KCTD1: variants seen among roughly 807,000 people sequenced by gnomAD.
KCTD1 encodes potassium channel tetramerization domain containing 1.
In KCTD1, 24 loss-of-function variants were observed where a neutral mutation model predicts 66.0. The observed-to-expected ratio is 0.36, with a 90% CI of 0.26 to 0.51. The LOEUF is 0.51. KCTD1 is among the 20% of genes least tolerant of loss of function. The pLI, the probability that KCTD1 is intolerant of heterozygous loss-of-function variation, is 0.95. For missense variants in KCTD1, 943 were observed against 1,205.2 expected (o/e 0.78, Z 3.22); for synonymous variants, 511 against 517.2 (o/e 0.99, Z 0.16).
chr18:26,647,290 C>T lies in KCTD1; in HGVS notation c.9+10070G>A, dbSNP rs1022775571. ...TTGGGAGGCTGAGGCGGGTGGATCA[C>T]GAGGTCAGGAGTTCAAGGCCAGCCT... On this transcript the variant is annotated intron_variant, in intron 1 of 4. Coordinates refer to the KCTD1 transcript ENST00000580191. Among the ~76,000 whole-genome samples the T allele has an allele frequency of 5.3e-5, 8 of 150,468 alleles. No individual in the cohort carries two copies. In the East Asian group the frequency reaches 9.8e-4, roughly 19 times the overall value.
chr18:26,476,782 C>T lies in KCTD1; in HGVS notation c.1989-123G>A, dbSNP rs895634435. Reference sequence around the variant, plus strand: ...TGAAGATGGCAGTAGGGAAAAATTACGATTGTCTGCAAAGTGTTGGTCCCC... The same window carrying T: ...TGAAGATGGCAGTAGGGAAAAATTATGATTGTCTGCAAAGTGTTGGTCCCC... On this transcript the variant is annotated intron_variant, in intron 2 of 4. Transcript: ENST00000580059. The surrounding 1 kb of genome is among the most constrained non-coding windows in gnomAD (Gnocchi z 4.9). The T allele has an allele frequency of 3.9e-6, 3 of 775,884 alleles. No homozygotes were observed. Among genetic ancestry groups the T allele is most frequent in the East Asian group, 5.5e-5 (2 of 36,528 alleles). The allele number at this position is 775,884 out of a possible 1,614,324, so 48.1% of individuals were successfully genotyped here. A position where few individuals can be genotyped will look rare whatever the true frequency, so the allele number is the denominator to read the frequency against.
At chr18:26,518,333 C>G (rs1010936765) in intron 1 of KCTD1, among the ~76,000 whole-genome samples, 1 of 151,908 alleles carries the variant, frequency 6.6e-6, no homozygotes, top group Non-Finnish European at 1.5e-5. Flanking sequence ...GAGTCTCACT[C>G]TGTTGCCCAG....
At chr18:26,460,741 C>T (rs1980376842) in intron 3 of KCTD1, 1 of 152,180 alleles carries the variant, frequency 6.6e-6, no homozygotes, top group African/African-American at 2.4e-5. Flanking sequence ...TTCCTTTCCT[C>T]CAGCCTTAAA....
At chr18:26,654,488 C>T (rs1182793573) in intron 1 of KCTD1, among the ~76,000 whole-genome samples, 1 of 152,126 alleles carries the variant, frequency 6.6e-6, no homozygotes, top group Non-Finnish European at 1.5e-5. Context: ...TGCACCCCTA[C>T]TATGCAAGCC....
intron 1 of KCTD1, among the ~76,000 whole-genome samples, chr18:26,610,543 A>T (rs1987111676): frequency 6.6e-6 from 1 of 151,822 alleles, no homozygotes; most frequent in African/African-American, 2.4e-5. Flanking sequence ...GCGCCAATGC[A>T]CTCTAGCCTG....
At position 26,476,071 on chromosome 18, in the gene KCTD1, A is replaced by AG. The variant is rs1981331297; in HGVS notation, c.2133+443dup. ...TCTGACTCCATTGCCTAGAGTTACC[A>AG]GCACAATGTGGGCTATCTCAGCGTG... is the stretch of plus-strand genomic sequence containing the variant. On this transcript the variant is annotated intron_variant, in intron 3 of 4. Transcript: ENST00000580059. The surrounding 1 kb of genome is among the most constrained non-coding windows in gnomAD (Gnocchi z 4.9). Among the ~76,000 whole-genome samples, 1 of 152,226 alleles carries AG rather than the reference A, an allele frequency of 6.6e-6. No individual in the cohort carries two copies. Among genetic ancestry groups the AG allele is most frequent in the Non-Finnish European group, 1.5e-5 (1 of 68,032 alleles).
At chr18:26,506,056 G>A (rs1386107581) in intron 1 of KCTD1, among the ~76,000 whole-genome samples, 2 of 150,784 alleles carry the variant, frequency 1.3e-5, no homozygotes, top group Admixed American at 6.6e-5. Context: ...TTTTTTTCAT[G>A]TTTTTAGTAG....
intron 1 of KCTD1, chr18:26,657,350 C>G (rs1420991283): frequency 9.1e-6 from 9 of 985,382 alleles, no homozygotes; most frequent in Non-Finnish European, 1.1e-5. Context: ...CCCAAACCGT[C>G]AGATCTTACC....
chr18:26,649,734 T>C (rs1339781677), intron 1 of KCTD1, among the ~76,000 whole-genome samples: 1 of 152,122 alleles, frequency 6.6e-6, no homozygotes, highest in Admixed American at 6.5e-5. Flanking sequence ...GGTCTCGATA[T>C]CCTGACCTCG....
At chr18:26,583,452 G>C (rs1436190453) in intron 1 of KCTD1, among the ~76,000 whole-genome samples, 1 of 150,078 alleles carries the variant, frequency 6.7e-6, no homozygotes, top group Non-Finnish European at 1.5e-5. Flanking sequence ...GTGAGCATGA[G>C]CTTTTATTCA....
chr18:26,547,703 C>T lies in KCTD1; in HGVS notation c.834G>A (p.Val278=). ...RKLEEQGAGP[V]VQKQAITRAD... is the part of the protein sequence containing the mutation. ...CGCGCGTGATGGCTTGCTTCTGCAC[C>T]ACCGGCCCGGCGCCCTGCTCCTCGA... Residue 278 remains valine, a synonymous_variant, in exon 1 of 5, where the codon GTG becomes GTA. Transcript: ENST00000580059. 1.1e-5 allele frequency: 17 copies of T among 1,550,076 alleles called. No homozygotes were observed. The highest frequency in any genetic ancestry group is 1.3e-5 in the Non-Finnish European group (15 of 1,146,892).
At chr18:26,530,094 T>C (rs1055039773) in intron 1 of KCTD1, among the ~76,000 whole-genome samples, 1 of 152,196 alleles carries the variant, frequency 6.6e-6, no homozygotes, top group Admixed American at 6.5e-5. Flanking sequence ...ACTAGACAGA[T>C]TCATGCCCTG....
upstream of KCTD1, among the ~76,000 whole-genome samples, chr18:26,643,729 A>T (rs376977377): frequency 1.3e-5 from 2 of 152,132 alleles, no homozygotes; most frequent in African/African-American, 4.8e-5. Context: ...TTGGGAGGCC[A>T]AGGCGGGCAT....
Position 26,546,858 on chromosome 18 carries a change from G to A in KCTD1, c.1679C>T (p.Ser560Leu), listed in dbSNP as rs1383652432. 2.6e-6 allele frequency: 4 copies of A among 1,510,782 alleles called. No individual in the cohort carries two copies. Among genetic ancestry groups the A allele is most frequent in the South Asian group, 2.7e-5 (2 of 75,338 alleles). The allele number at this position is 1,510,782 out of a possible 1,614,324, so 93.6% of individuals were successfully genotyped here. Residue 560 changes from serine (S) to leucine (L), a missense_variant, in exon 1 of 5, where the codon TCG (serine) becomes TTG (leucine). Physicochemically the swap from Ser to Leu is moderately radical, Grantham distance 145 (BLOSUM62 -2). Around this residue, in one of 10 missense-constraint regions of KCTD1, gnomAD observed 197 missense variants for 182.7 expected, o/e 1.08. Coordinates refer to ENST00000580059, the MANE Select transcript of KCTD1 (RefSeq NM_001142730.3). ...TSPKRLCIRP[S>L]EPVDAVVVVS... is the part of the protein sequence containing the mutation. The stretch of plus-strand genomic sequence containing the variant: ...CACCACCACCGCATCCACAGGCTCC[G>A]AGGGGCGGATACAAAGTCTTTTGGG...
chr18:26,652,574 C>T (rs554022992), intron 1 of KCTD1, among the ~76,000 whole-genome samples: 3 of 152,300 alleles, frequency 2.0e-5, no homozygotes, highest in Admixed American at 1.3e-4. Flanking sequence ...TCAACATAGG[C>T]CTACTTCAAT....
chr18:26,608,296 A>G (rs1405198945), intron 1 of KCTD1, among the ~76,000 whole-genome samples: 1 of 152,082 alleles, frequency 6.6e-6, no homozygotes, highest in Non-Finnish European at 1.5e-5. Flanking sequence ...TCTATTTCCA[A>G]GTGAGAGTGG....
chr18:26,578,373 T>C (rs1441347044), intron 1 of KCTD1, among the ~76,000 whole-genome samples: 1 of 152,236 alleles, frequency 6.6e-6, no homozygotes, highest in East Asian at 1.9e-4. Context: ...ACACTAAAAT[T>C]AAAACTCTAT....
At chr18:26,578,756 G>A (rs950423444) in intron 1 of KCTD1, among the ~76,000 whole-genome samples, 2 of 152,130 alleles carry the variant, frequency 1.3e-5, no homozygotes, top group African/African-American at 4.8e-5. Flanking sequence ...CTTCCTCTAT[G>A]CCAATATTAA....
At chr18:26,640,669 G>A (rs913930605), upstream of KCTD1, among the ~76,000 whole-genome samples, 1 of 152,136 alleles carries the variant, frequency 6.6e-6, no homozygotes, top group African/African-American at 2.4e-5. Context: ...CTTATAGGAG[G>A]GAGAAATGTT....
Sources: allele counts gnomAD v4.1 joint callset (sites outside exome capture counted in the v4.1 genomes callset), GRCh38; gene constraint gnomAD v4.1.1; regional missense constraint gnomAD v4.1.1; non-coding constraint Gnocchi (gnomAD v3.1); transcripts MANE v1.5; gene names NCBI Gene and HGNC (gene_info 2026-07-23, HGNC 2026-07-21).